The following SEMA3C variants were observed in gnomAD, a reference collection of about 807,000 sequenced individuals.
SEMA3C encodes semaphorin-3C.
In SEMA3C, 47 loss-of-function variants were observed where a neutral mutation model predicts 89.4. The observed-to-expected ratio is 0.53, with a 90% CI of 0.42 to 0.67. The LOEUF is 0.67. SEMA3C is among the 30% of genes least tolerant of loss of function. The pLI is 0.00. For missense variants in SEMA3C, 839 were observed against 929.1 expected (o/e 0.90, Z 1.26); for synonymous variants, 310 against 320.2 (o/e 0.97, Z 0.34).
chr7:80,834,667 G>C (rs1410449684), intron 2 of SEMA3C, among the ~76,000 whole-genome samples: 1 of 152,098 alleles, frequency 6.6e-6, no homozygotes, highest in Non-Finnish European at 1.5e-5. Context: ...ACTTGATAAA[G>C]GAAGGTAGAG....
At chr7:80,847,712 T>C (rs1790422846) in intron 2 of SEMA3C, among the ~76,000 whole-genome samples, 1 of 152,126 alleles carries the variant, frequency 6.6e-6, no homozygotes, top group African/African-American at 2.4e-5. Context: ...GAAATCTATA[T>C]AGGGCTGACT....
intron 2 of SEMA3C, among the ~76,000 whole-genome samples, chr7:80,883,735 C>T (rs1300779261): frequency 6.6e-6 from 1 of 152,224 alleles, no homozygotes; most frequent in Non-Finnish European, 1.5e-5. Flanking sequence ...TGATTCACTG[C>T]CCTTTGGTCC....
At chr7:80,861,864 C>T (rs1333752507) in intron 2 of SEMA3C, among the ~76,000 whole-genome samples, 11 of 152,098 alleles carry the variant, frequency 7.2e-5, no homozygotes, top group Admixed American at 7.2e-4. Flanking sequence ...TCAACAGATG[C>T]AGAAAAAGCA....
rs927853584 is a variant in SEMA3C, at chr7:80,744,717, C to T, written c.*177G>A. On this transcript the variant is annotated 3_prime_UTR_variant, in exon 18 of 18. Coordinates refer to ENST00000265361, the MANE Select transcript of SEMA3C (RefSeq NM_006379.5). ...CATGAGGACCATGACATGTCTAGTGCTAGTCACTATCATACAAGAAAATGC... is the reference window on the plus strand; with the variant it reads ...CATGAGGACCATGACATGTCTAGTGTTAGTCACTATCATACAAGAAAATGC... The T allele has an allele frequency of 1.5e-5, 10 of 652,374 alleles. No individual in the cohort carries two copies. The highest frequency in any genetic ancestry group is 1.3e-4 in the African/African-American group (7 of 54,614). The allele number at this position is 652,374 out of a possible 1,614,324, so 40.4% of individuals were successfully genotyped here.
In SEMA3C at chr7:80,742,854, AGAGTT is replaced by A. The variant is rs1787712776; in HGVS notation, c.*2035_*2039del. 6.6e-6 allele frequency: 1 copy of A among 151,988 alleles called. No homozygotes were observed. The highest frequency in any genetic ancestry group is 2.4e-5 in the African/African-American group (1 of 41,430). 9.4% of individuals were successfully genotyped at this position (151,988 alleles called of 1,614,324 possible). ...AAAAAAATTTTCTTTTACATTCAGC[AGAGTT>A]ATGTTCATGAAGAATTTCTACATTT... On this transcript the variant is annotated 3_prime_UTR_variant, in exon 18 of 18. Coordinates refer to ENST00000265361, the MANE Select transcript of SEMA3C (RefSeq NM_006379.5).
At chr7:80,915,946 C>G (rs1448304328) in intron 2 of SEMA3C, among the ~76,000 whole-genome samples, 1 of 152,050 alleles carries the variant, frequency 6.6e-6, no homozygotes, top group Non-Finnish European at 1.5e-5. Context: ...CTCCATCTGT[C>G]CAATTAGTAT....
chr7:80,886,407 G>A (rs1443470839), intron 2 of SEMA3C, among the ~76,000 whole-genome samples: 2 of 150,540 alleles, frequency 1.3e-5, no homozygotes, highest in African/African-American at 4.9e-5. Context: ...AGGATGGAGT[G>A]CAGTGGTGTG....
rs373269732 is a variant in SEMA3C, at chr7:80,880,181, G to A, written c.103+36498C>T. On this transcript the variant is annotated intron_variant, in intron 2 of 17. Transcript: ENST00000265361. The stretch of plus-strand genomic sequence containing the variant: ...TGCTCAAATCTCAACATCTCCAGGA[G>A]GCGAACCCTGACTACCATTTAATAC... 2.6e-5 allele frequency among the ~76,000 whole-genome samples: 4 copies of A among 152,182 alleles called. No homozygotes were observed. The East Asian group carries it at 7.7e-4, about 29-fold the overall frequency.
chr7:80,919,372 C>A, upstream of SEMA3C: 2 of 985,328 alleles, frequency 2.0e-6, no homozygotes. Flanking sequence ...GAGCAACTTG[C>A]TGGGTGCGCT....
upstream of SEMA3C, among the ~76,000 whole-genome samples, chr7:80,920,977 G>T (rs1201644469): frequency 6.6e-6 from 1 of 152,176 alleles, no homozygotes; most frequent in African/African-American, 2.4e-5. Context: ...ATGTGGAGCT[G>T]TTAGAAATTG....
intron 2 of SEMA3C, among the ~76,000 whole-genome samples, chr7:80,876,595 G>A (rs548366530): frequency 1.3e-5 from 2 of 152,152 alleles, no homozygotes; most frequent in Non-Finnish European, 2.9e-5. Flanking sequence ...TTTGCAAAGT[G>A]TGTTCCCAAA....
intron 13 of SEMA3C, among the ~76,000 whole-genome samples, chr7:80,762,589 C>T (rs543264810): frequency 3.9e-5 from 6 of 152,068 alleles, no homozygotes; most frequent in African/African-American, 4.8e-5. Context: ...GAGGCTGAGG[C>T]GGGCGGATCA....
intron 2 of SEMA3C, among the ~76,000 whole-genome samples, chr7:80,889,507 T>C (rs1409617818): frequency 2.6e-5 from 4 of 152,194 alleles, no homozygotes; most frequent in African/African-American, 4.8e-5. Flanking sequence ...AAGATATCTG[T>C]AATATAGGTT....
chr7:80,859,430 T>C (rs1378391644), intron 2 of SEMA3C, among the ~76,000 whole-genome samples: 2 of 152,136 alleles, frequency 1.3e-5, no homozygotes, highest in Non-Finnish European at 2.9e-5. Context: ...TTCTGCTCTA[T>C]CATTTTCAAG....
intron 12 of SEMA3C, among the ~76,000 whole-genome samples, chr7:80,784,990 G>C (rs1319826215): frequency 6.6e-6 from 1 of 151,764 alleles, no homozygotes; most frequent in South Asian, 2.1e-4. Flanking sequence ...AGAGGACAAC[G>C]CTCACTTTTC....
chr7:80,784,484 A>T (rs1286632195), intron 12 of SEMA3C, among the ~76,000 whole-genome samples: 1 of 152,122 alleles, frequency 6.6e-6, no homozygotes, highest in Non-Finnish European at 1.5e-5. Flanking sequence ...AAGATAAAAG[A>T]AGAAATATTA....
intron 10 of SEMA3C, among the ~76,000 whole-genome samples, chr7:80,799,853 T>TA (rs543529376): frequency 0.13 from 11,295 of 86,098 alleles, 471 homozygotes; most frequent in Middle Eastern, 0.18. Context: ...GACCCAATCT[T>TA]AAAAAAAAAA....
rs779484728 is a variant in SEMA3C, at chr7:80,744,468, T to A, written c.*426A>T. On this transcript the variant is annotated 3_prime_UTR_variant, in exon 18 of 18. Transcript: ENST00000265361. ...TTCTGTCATATGCATTTATGACTTT[T>A]ACTACGTAAAAGCTGTGGATTTGGA... 5.7e-6 allele frequency: 1 copy of A among 174,554 alleles called. No homozygotes were observed. The highest frequency in any genetic ancestry group is 5.9e-5 in the Admixed American group (1 of 16,838). The allele number at this position is 174,554 out of a possible 1,614,324, so 10.8% of individuals were successfully genotyped here.
intron 10 of SEMA3C, 126 bp downstream of exon 10, chr7:80,800,631 T>C (rs902448911): frequency 8.9e-6 from 5 of 559,316 alleles, no homozygotes; most frequent in African/African-American, 2.0e-5. Flanking sequence ...GTAAATAAAA[T>C]GGAAGGATTA....
Sources: gnomAD v4.1 joint callset for allele counts (sites outside exome capture counted in the v4.1 genomes callset) on GRCh38, gnomAD v4.1.1 for gene constraint, MANE v1.5 for transcripts, NCBI Gene and HGNC (gene_info 2026-07-23, HGNC 2026-07-21) for gene names.